GPRIN1: variants seen among roughly 807,000 people sequenced by gnomAD.
The protein encoded by GPRIN1 is G protein regulated inducer of neurite outgrowth 1, also known as G protein-regulated inducer of neurite outgrowth 1.
GPRIN1 carries 4 observed loss-of-function variants against 2.8 expected under a neutral mutation model. The ratio of observed to expected loss-of-function variants is 1.45; its 90% CI spans 0.71 to 3.32. The LOEUF (loss-of-function observed/expected upper bound fraction) is 3.32, where lower values mean the gene tolerates loss of function less well. GPRIN1 is among the 30% of genes most tolerant of loss of function. The pLI is 0.01. For synonymous variants in GPRIN1, 589 were observed against 589.9 expected (o/e 1.00, Z 0.02); for missense variants, 1,322 against 1,343.4 (o/e 0.98, Z 0.25).
At position 176,598,877 on chromosome 5, in the gene GPRIN1, T is replaced by A; in HGVS notation, c.958A>T (p.Lys320Ter). The stretch of plus-strand genomic sequence containing the variant: ...TTGCCTGATGAGCCTGGAATCAGCT[T>A]GCCCAGGAGCCCCGGCTCTGTCTTT... ...TGKTEPGLLG[K>*]LIPGSSGKNG... is the part of the protein sequence containing the mutation. The change falls in exon 2 of 2, where the codon AAG (lysine) becomes TAG (stop). Residue 320 changes from lysine to a stop codon, truncating the protein, a stop_gained. Transcript: ENST00000303991. LOFTEE classifies it low-confidence loss of function (END_TRUNC). 6.2e-7 allele frequency: 1 copy of A among 1,614,038 alleles called. No homozygotes were observed. Among genetic ancestry groups the A allele is most frequent in the Non-Finnish European group, 8.5e-7 (1 of 1,180,020 alleles).
In GPRIN1 at chr5:176,597,531, C is replaced by T. The variant is rs1426448925; in HGVS notation, c.2304G>A (p.Leu768=). 4.0e-6 allele frequency: 6 copies of T among 1,518,778 alleles called. 1 individual carries two copies. In the South Asian group the frequency reaches 5.9e-5, roughly 15 times the overall value. The allele number at this position is 1,518,778 out of a possible 1,614,324, so 94.1% of individuals were successfully genotyped here. A position where few individuals can be genotyped will look rare whatever the true frequency, so the allele number is the denominator to read the frequency against. The change falls in exon 2 of 2, where the codon CTG becomes CTA. Residue 768 remains leucine, a synonymous_variant. Transcript: ENST00000303991. The surrounding 1 kb of genome is among the most constrained non-coding windows in gnomAD (Gnocchi z 6.1). ...GGCTTCTCTCGGCCCCAGCGGCTTC[C>T]AGGTCTTTCTGGCCGAGACTGGAGG... ...TEASSLGQKD[L]EAAGAERSPC... is the part of the protein sequence containing the mutation.
chr5:176,596,696 T>G lies in GPRIN1; in HGVS notation c.*112A>C. On this transcript the variant is annotated 3_prime_UTR_variant, in exon 2 of 2. Coordinates refer to ENST00000303991, the MANE Select transcript of GPRIN1 (RefSeq NM_052899.3). This position sits in a 1 kb window ranked among gnomAD's most constrained non-coding sequence, Gnocchi z 5.2. ...ACGGGGACGCAACAGCCCTAGAGGC[T>G]GCACAACCCCTCGGAGGCCTGTGGC... 1.1e-6 allele frequency: 1 copy of G among 899,502 alleles called. No homozygotes were observed. The highest frequency in any genetic ancestry group is 1.5e-6 in the Non-Finnish European group (1 of 688,520). The allele number at this position is 899,502 out of a possible 1,614,324, so 55.7% of individuals were successfully genotyped here.
intron 1 of GPRIN1, among the ~76,000 whole-genome samples, 169 bp downstream of exon 1, chr5:176,609,829 AC>A (rs1336096176): frequency 2.0e-5 from 2 of 98,136 alleles, no homozygotes; most frequent in Non-Finnish European, 4.0e-5. Flanking sequence ...ACAGACACCC[AC>A]CGCCCCCAGC....
chr5:176,606,449 ACATTAGAAGATTT>A (rs1441497918), intron 1 of GPRIN1, among the ~76,000 whole-genome samples: 1 of 152,216 alleles, frequency 6.6e-6, no homozygotes, highest in Non-Finnish European at 1.5e-5. Context: ...CAACTTCTAA[ACATTAGAAGATTT>A]CATGTGACAG....
In GPRIN1 at chr5:176,598,084, G is replaced by C. The variant is rs763831948; in HGVS notation, c.1751C>G (p.Pro584Arg). 4 of 1,613,786 alleles carry C rather than the reference G, an allele frequency of 2.5e-6. No homozygotes were observed. The highest frequency in any genetic ancestry group is 8.5e-7 in the Non-Finnish European group (1 of 1,180,012). ...GGGATCCACCTTCCCCGAGGGCACC[G>C]GGACTGTTTTTCCTGGAGTTGAGAC... ...KVVSTPGKTV[P>R]VPSGKVDPVS... Residue 584 changes from proline to arginine, a missense_variant, in exon 2 of 2, where the codon CCG (proline) becomes CGG (arginine). Pro to Arg is a moderately radical substitution (Grantham distance 103). Transcript: ENST00000303991.
At position 176,598,826 on chromosome 5, in the gene GPRIN1, C is replaced by G. The variant is rs147081865; in HGVS notation, c.1009G>C (p.Gly337Arg). Residue 337 changes from glycine (G) to arginine (R), a missense_variant, in exon 2 of 2, where the codon GGG (glycine) becomes CGG (arginine). Gly to Arg is a moderately radical substitution (Grantham distance 125, BLOSUM62 -2). Around this residue, in one of 3 missense-constraint regions of GPRIN1, gnomAD observed 1,117 missense variants for 1,128.6 expected, o/e 0.99. Coordinates refer to ENST00000303991, the MANE Select transcript of GPRIN1 (RefSeq NM_052899.3). ...GKNGPVSSGT[G>R]APGSLGRLDP... ...AGCCTTCCCAAGGACCCAGGAGCCCCGGTCCCAGAGGATACAGGCCCATTC... is the reference window on the plus strand; with the variant it reads ...AGCCTTCCCAAGGACCCAGGAGCCCGGGTCCCAGAGGATACAGGCCCATTC... The G allele has an allele frequency of 3.1e-6, 5 of 1,613,878 alleles. No homozygotes were observed. Among genetic ancestry groups the G allele is most frequent in the Admixed American group, 3.3e-5 (2 of 60,030 alleles).
Position 176,598,954 on chromosome 5 carries a change from GAGGGCCCA to G in GPRIN1, c.873_880del (p.Pro293LysfsTer177). 6.2e-7 allele frequency: 1 copy of G among 1,614,044 alleles called. No homozygotes were observed. Among genetic ancestry groups the G allele is most frequent in the Non-Finnish European group, 8.5e-7 (1 of 1,179,944 alleles). On this transcript the variant is annotated frameshift_variant, in exon 2 of 2. Transcript: ENST00000303991. LOFTEE classifies it low-confidence loss of function (END_TRUNC). Reference sequence around the variant, plus strand: ...CAAGGGCATGGGATCTGCCTTTCCCGAGGGCCCAGGATCTCTCTTTCCCGACAATACAA... The same window carrying G: ...CAAGGGCATGGGATCTGCCTTTCCCGGGATCTCTCTTTCCCGACAATACAA...
intron 1 of GPRIN1, among the ~76,000 whole-genome samples, chr5:176,605,871 A>G (rs964829418): frequency 3.9e-5 from 6 of 152,116 alleles, no homozygotes; most frequent in African/African-American, 1.4e-4. Context: ...GGATCTGCCT[A>G]CCATGCCTGC....
Position 176,597,917 on chromosome 5 carries a change from T to C in GPRIN1, c.1918A>G (p.Thr640Ala). Reference sequence around the variant, plus strand: ...GCGCCCTCTTGCCCAGGGAGCTTTGTTTCTGCTTTGCCACCAGACTGCGGC... The same window carrying C: ...GCGCCCTCTTGCCCAGGGAGCTTTGCTTCTGCTTTGCCACCAGACTGCGGC... The part of the protein sequence containing the change: ...AQPQSGGKAE[T>A]KLPGQEGAAA... The change falls in exon 2 of 2, where the codon ACA becomes GCA. Residue 640 changes from threonine to alanine, a missense_variant. Thr to Ala is a moderately conservative substitution (Grantham distance 58, BLOSUM62 0). Around this residue, in one of 3 missense-constraint regions of GPRIN1, gnomAD observed 1,117 missense variants for 1,128.6 expected, o/e 0.99. Coordinates refer to ENST00000303991, the MANE Select transcript of GPRIN1 (RefSeq NM_052899.3). This position sits in a 1 kb window ranked among gnomAD's most constrained non-coding sequence, Gnocchi z 6.1. 1.2e-6 allele frequency: 2 copies of C among 1,613,960 alleles called. No individual in the cohort carries two copies. The highest frequency in any genetic ancestry group is 1.7e-6 in the Non-Finnish European group (2 of 1,180,002).
chr5:176,607,207 G>C (rs1160128901), intron 1 of GPRIN1, among the ~76,000 whole-genome samples: 3 of 152,144 alleles, frequency 2.0e-5, no homozygotes, highest in Non-Finnish European at 4.4e-5. Flanking sequence ...AGTTCTGCTG[G>C]GCCCTTCCTG....
chr5:176,609,645 C>T (rs1355337048), intron 1 of GPRIN1, among the ~76,000 whole-genome samples: 2 of 152,074 alleles, frequency 1.3e-5, no homozygotes, highest in African/African-American at 4.8e-5. Context: ...GGAAGCACCC[C>T]CTCCCGCGCG....
rs774184931 is a variant in GPRIN1, at chr5:176,599,768, G to A, written c.67C>T (p.Arg23Ter). ...LQKDSSPPGP[R>*]PTAFFCPQDG... ...TGTGGGCAGAAGAAGGCTGTGGGTCGGGGTCCTGGGGGGCTGGAATCCTTT... is the reference window on the plus strand; with the variant it reads ...TGTGGGCAGAAGAAGGCTGTGGGTCAGGGTCCTGGGGGGCTGGAATCCTTT... Residue 23 changes from arginine (R) to a stop codon, truncating the protein, a stop_gained, in exon 2 of 2, where the codon CGA (arginine) becomes TGA (stop). Transcript: ENST00000303991. LOFTEE classifies it low-confidence loss of function (END_TRUNC). 31 of 1,516,370 alleles carry A rather than the reference G, an allele frequency of 2.0e-5. No homozygotes were observed. Among genetic ancestry groups the A allele is most frequent in the Admixed American group, 1.1e-4 (5 of 44,874 alleles). 93.9% of individuals were successfully genotyped at this position (1,516,370 alleles called of 1,614,324 possible).
chr5:176,596,837 A>G lies in GPRIN1; in HGVS notation c.2998T>C (p.Cys1000Arg). The change falls in exon 2 of 2, where the codon TGC (cysteine) becomes CGC (arginine). Residue 1000 changes from cysteine to arginine, a missense_variant. This residue lies in a region of GPRIN1 where 196 missense variants were observed against 189.2 expected (regional missense o/e 1.04). Coordinates refer to ENST00000303991, the MANE Select transcript of GPRIN1 (RefSeq NM_052899.3). This position sits in a 1 kb window ranked among gnomAD's most constrained non-coding sequence, Gnocchi z 5.2. ...TCGGCCGTGGGTCCCGCCCGCGAGC[A>G]GCACCGCGGCCGGCGCACACTCTGC... ...LLQSVRRPRC[C>R]SRAGPTAE 1 of 1,410,056 alleles carries G rather than the reference A, an allele frequency of 7.1e-7. No homozygotes were observed. The highest frequency in any genetic ancestry group is 2.8e-5 in the East Asian group (1 of 36,114). The allele number at this position is 1,410,056 out of a possible 1,614,324, so 87.3% of individuals were successfully genotyped here.
chr5:176,597,352 G>A lies in GPRIN1; in HGVS notation c.2483C>T (p.Pro828Leu), dbSNP rs958254769. The change falls in exon 2 of 2, where the codon CCC becomes CTC. Residue 828 changes from proline (P) to leucine (L), a missense_variant. Around this residue, in one of 3 missense-constraint regions of GPRIN1, gnomAD observed 1,117 missense variants for 1,128.6 expected, o/e 0.99. Coordinates refer to ENST00000303991, the MANE Select transcript of GPRIN1 (RefSeq NM_052899.3). The surrounding 1 kb of genome is among the most constrained non-coding windows in gnomAD (Gnocchi z 6.1). The part of the protein sequence containing the change: ...AQACVSVAVS[P>L]MSPQDGAGGS... ...CCCAGCGCCGTCCTGCGGAGACATG[G>A]GGCTCACGGCCACTGAGACGCAGGC... 15 of 1,254,216 alleles carry A rather than the reference G, an allele frequency of 1.2e-5. No homozygotes were observed. The highest frequency in any genetic ancestry group is 3.2e-5 in the East Asian group (1 of 30,904). The allele number at this position is 1,254,216 out of a possible 1,614,324, so 77.7% of individuals were successfully genotyped here. A position where few individuals can be genotyped will look rare whatever the true frequency, so the allele number is the denominator to read the frequency against.
intron 1 of GPRIN1, among the ~76,000 whole-genome samples, chr5:176,603,763 C>A (rs764878018): frequency 6.6e-6 from 1 of 152,186 alleles, no homozygotes; most frequent in Non-Finnish European, 1.5e-5. Context: ...TGGTCACCAG[C>A]CTGCAGGGGT....
chr5:176,597,115 G>C lies in GPRIN1; in HGVS notation c.2720C>G (p.Ala907Gly). 6.8e-7 allele frequency: 1 copy of C among 1,478,420 alleles called. No individual in the cohort carries two copies. 91.6% of individuals were successfully genotyped at this position (1,478,420 alleles called of 1,614,324 possible). A position where few individuals can be genotyped will look rare whatever the true frequency, so the allele number is the denominator to read the frequency against. The change falls in exon 2 of 2, where the codon GCT (alanine) becomes GGT (glycine). Residue 907 changes from alanine (A) to glycine (G), a missense_variant. Around this residue, in one of 3 missense-constraint regions of GPRIN1, gnomAD observed 196 missense variants for 189.2 expected, o/e 1.04. Transcript: ENST00000303991. The surrounding 1 kb of genome is among the most constrained non-coding windows in gnomAD (Gnocchi z 6.1). Reference sequence around the variant, plus strand: ...CCAGCTCACGTCTCGCACGGGCTCAGCCGGCTCCGGGGGCGCTACAGCGGC... The same window carrying C: ...CCAGCTCACGTCTCGCACGGGCTCACCCGGCTCCGGGGGCGCTACAGCGGC... The part of the protein sequence containing the change: ...LAAAVAPPEP[A>G]EPVRDVSWDE...
At chr5:176,603,342 C>A (rs528235892) in intron 1 of GPRIN1, among the ~76,000 whole-genome samples, 2 of 152,164 alleles carry the variant, frequency 1.3e-5, no homozygotes, top group African/African-American at 4.8e-5. Flanking sequence ...TCTTATTACA[C>A]CTTCAGATCT....
At position 176,599,620 on chromosome 5, in the gene GPRIN1, CTG is replaced by C; in HGVS notation, c.213_214del (p.His71GlnfsTer14). The C allele has an allele frequency of 1.3e-6, 2 of 1,541,122 alleles. No individual in the cohort carries two copies. Among genetic ancestry groups the C allele is most frequent in the Non-Finnish European group, 1.7e-6 (2 of 1,148,138 alleles). On this transcript the variant is annotated frameshift_variant, in exon 2 of 2. Coordinates refer to ENST00000303991, the MANE Select transcript of GPRIN1 (RefSeq NM_052899.3). LOFTEE classifies it low-confidence loss of function (END_TRUNC). ...CCCTTCCCCAGCCCCACTGGGGCTTCTGTGTCTAGACTCCATGCCTGGGCTTT... is the reference window on the plus strand; with the variant it reads ...CCCTTCCCCAGCCCCACTGGGGCTTCTGTCTAGACTCCATGCCTGGGCTTT...
chr5:176,608,169 C>G (rs1759251388), intron 1 of GPRIN1, among the ~76,000 whole-genome samples: 1 of 152,028 alleles, frequency 6.6e-6, no homozygotes, highest in African/African-American at 2.4e-5. Context: ...ATCCTCCTGC[C>G]TGGGCTTCTC....
Sources: gnomAD v4.1 joint callset for allele counts (sites outside exome capture counted in the v4.1 genomes callset) on GRCh38, gnomAD v4.1.1 for gene constraint, gnomAD v4.1.1 regional missense constraint, Gnocchi (gnomAD v3.1) non-coding constraint, MANE v1.5 for transcripts, NCBI Gene and HGNC (gene_info 2026-07-23, HGNC 2026-07-21) for gene names.